Variants in TGFBR3 observed in about 807,000 individuals in gnomAD.
TGFBR3 encodes transforming growth factor beta receptor type 3.
TGFBR3 carries 46 observed loss-of-function variants against 87.9 expected under a neutral mutation model. That is an observed-to-expected ratio of 0.52 (90% CI 0.41 to 0.67). The LOEUF (loss-of-function observed/expected upper bound fraction) is 0.67, where lower values mean the gene tolerates loss of function less well. Among genes scored for constraint, TGFBR3 ranks in the 30% least tolerant of loss-of-function variants. The pLI is 0.00. For missense variants in TGFBR3, 866 were observed against 1,041.9 expected, an observed-to-expected ratio of 0.83 and a Z score of 2.32; for synonymous variants, 381 against 391.6, an observed-to-expected ratio of 0.97 and a Z score of 0.32.
chr1:91,834,615 GA>G (rs1676990584), intron 2 of TGFBR3, among the ~76,000 whole-genome samples: 1 of 152,212 alleles, frequency 6.6e-6, no homozygotes, highest in Non-Finnish European at 1.5e-5. Context: ...TGCTTTCATG[GA>G]GCTTCCATTC....
chr1:91,729,073 C>T (rs1443539993), intron 6 of TGFBR3, among the ~76,000 whole-genome samples: 1 of 96,356 alleles, frequency 1.0e-5, no homozygotes, highest in Admixed American at 1.0e-4. Context: ...CACACACACA[C>T]ACACCAAGCA....
chr1:91,847,802 C>G (rs560762629), intron 2 of TGFBR3, among the ~76,000 whole-genome samples: 31 of 152,142 alleles, frequency 2.0e-4, no homozygotes, highest in South Asian at 1.0e-3. Context: ...CGAAGAGTCC[C>G]TTGGCCACAG....
At chr1:91,777,807 C>T (rs977352088) in intron 3 of TGFBR3, among the ~76,000 whole-genome samples, 5 of 152,138 alleles carry the variant, frequency 3.3e-5, no homozygotes, top group African/African-American at 9.7e-5. Flanking sequence ...CCGTGAGCTC[C>T]GAGGGCTGCC....
intron 3 of TGFBR3, among the ~76,000 whole-genome samples, chr1:91,766,018 G>GT (rs1345289749): frequency 6.6e-6 from 1 of 151,730 alleles, no homozygotes; most frequent in Non-Finnish European, 1.5e-5. Flanking sequence ...CTATACAAAC[G>GT]TATTTCCTCT....
chr1:91,868,416 T>C (rs1678458285), intron 1 of TGFBR3, among the ~76,000 whole-genome samples: 1 of 152,186 alleles, frequency 6.6e-6, no homozygotes, highest in Non-Finnish European at 1.5e-5. Context: ...AAAAAAATGA[T>C]TCCAAATTCC....
chr1:91,744,550 T>C (rs557629567), intron 4 of TGFBR3, among the ~76,000 whole-genome samples: 1 of 150,766 alleles, frequency 6.6e-6, no homozygotes, highest in African/African-American at 2.4e-5. Context: ...ATCTGCTTCT[T>C]GGTCTGGTCT....
chr1:91,721,031 AT>A (rs1672349881), intron 8 of TGFBR3, among the ~76,000 whole-genome samples: 1 of 152,258 alleles, frequency 6.6e-6, no homozygotes, highest in South Asian at 2.1e-4. Flanking sequence ...AACTAAAAAA[AT>A]AATAATTTCC....
intron 2 of TGFBR3, among the ~76,000 whole-genome samples, chr1:91,837,553 A>G (rs976141460): frequency 1.3e-5 from 2 of 152,190 alleles, no homozygotes; most frequent in African/African-American, 4.8e-5. Context: ...AAGTAAGGAT[A>G]TAATGGATAT....
At chr1:91,728,357 C>T (rs975927667) in intron 6 of TGFBR3, among the ~76,000 whole-genome samples, 1 of 152,090 alleles carries the variant, frequency 6.6e-6, no homozygotes, top group Non-Finnish European at 1.5e-5. Flanking sequence ...AAGTCATTAA[C>T]AATTGCTACA....
chr1:91,683,795 C>T lies in TGFBR3; in HGVS notation c.2500G>A (p.Ala834Thr). ...CTCTGCGTGCTGCCGATGCTGTGGG[C>T]AGCACTGCTGTTTTCCGAGGCTGGC... ...SPPASENSSA[A>T]HSIGSTQSTP... Residue 834 changes from alanine to threonine, a missense_variant, in exon 17 of 17, where the codon GCC becomes ACC. By Grantham distance (58) the Ala-to-Thr change is moderately conservative (BLOSUM62 0). Transcript: ENST00000212355. 6.2e-7 allele frequency: 1 copy of T among 1,608,156 alleles called. No homozygotes were observed.
At chr1:91,898,066 A>G (rs899675177) in intron 2 of TGFBR3, among the ~76,000 whole-genome samples, 2 of 151,862 alleles carry the variant, frequency 1.3e-5, no homozygotes, top group African/African-American at 2.4e-5. Flanking sequence ...AAGAAATAAA[A>G]CATTACATTA....
At chr1:91,795,346 T>C (rs756938183) in intron 3 of TGFBR3, among the ~76,000 whole-genome samples, 5 of 152,222 alleles carry the variant, frequency 3.3e-5, no homozygotes, top group Non-Finnish European at 7.3e-5. Flanking sequence ...CTACCCTTTG[T>C]AGGCCCTCTT....
At chr1:91,881,570 C>T (rs994878477) in intron 1 of TGFBR3, among the ~76,000 whole-genome samples, 1 of 151,972 alleles carries the variant, frequency 6.6e-6, no homozygotes, top group Non-Finnish European at 1.5e-5. Context: ...TTGAATTACT[C>T]GAGTAAACTA....
At chr1:91,758,859 A>C in intron 3 of TGFBR3, 109 bp from the exon 4 acceptor site, 1 of 1,318,512 alleles carries the variant, frequency 7.6e-7, no homozygotes, top group Non-Finnish European at 1.1e-6. Flanking sequence ...AACAGAAACA[A>C]GCTATAATGT....
At chr1:91,837,221 ATTATTTATTTAT>A (rs3039475) in intron 2 of TGFBR3, among the ~76,000 whole-genome samples, 8 of 149,440 alleles carry the variant, frequency 5.4e-5, no homozygotes, top group Non-Finnish European at 7.4e-5. Context: ...AAGTAAGGAT[ATTATTTATTTAT>A]TTATTTATTT....
intron 2 of TGFBR3, among the ~76,000 whole-genome samples, chr1:91,825,574 C>T (rs562407782): frequency 4.6e-5 from 7 of 152,220 alleles, no homozygotes; most frequent in Middle Eastern, 3.4e-3. Flanking sequence ...GGCAGCTGCA[C>T]AACTCTGATA....
chr1:91,888,951 A>C (rs1679390449), upstream of TGFBR3, among the ~76,000 whole-genome samples: 1 of 151,506 alleles, frequency 6.6e-6, no homozygotes, highest in Non-Finnish European at 1.5e-5. Context: ...GCGCAATCTC[A>C]GCTCACTGCA....
chr1:91,779,830 A>G lies in TGFBR3; in HGVS notation c.246+17457T>C, dbSNP rs1037906415. Among the ~76,000 whole-genome samples, 72 of 152,198 alleles carry G rather than the reference A, an allele frequency of 4.7e-4. 1 individual carries two copies. Among genetic ancestry groups the G allele is most frequent in the Admixed American group, 1.3e-4 (2 of 15,282 alleles). ...GAACAACAGAAGGCTATTCTCTCACAGTTCTGGAGGCCAGAAGTCCAAAAT... is the reference window on the plus strand; with the variant it reads ...GAACAACAGAAGGCTATTCTCTCACGGTTCTGGAGGCCAGAAGTCCAAAAT... On this transcript the variant is annotated intron_variant, in intron 3 of 16. Coordinates refer to ENST00000212355, the MANE Select transcript of TGFBR3 (RefSeq NM_003243.5).
intron 13 of TGFBR3, among the ~76,000 whole-genome samples, chr1:91,711,275 T>C (rs1270828848): frequency 3.3e-5 from 5 of 152,330 alleles, no homozygotes; most frequent in South Asian, 2.1e-4. Flanking sequence ...TATTTTCGTA[T>C]GCAAACAAAA....
Sources: gnomAD v4.1 joint callset for allele counts (sites outside exome capture counted in the v4.1 genomes callset) on GRCh38, gnomAD v4.1.1 for gene constraint, MANE v1.5 for transcripts, NCBI Gene and HGNC (gene_info 2026-07-23, HGNC 2026-07-21) for gene names.